BLTP1: variants seen among roughly 807,000 people sequenced by gnomAD.
The protein encoded by BLTP1 is fragile site-associated protein.
chr4:122,328,849 C>T, the BLTP1 span: 1 of 756,224 alleles, frequency 1.3e-6, no homozygotes. Context: ...CTGAATATGC[C>T]CTCAAGAGGA....
At chr4:122,229,026 C>G in the BLTP1 span, 13 of 1,026,114 alleles carry the variant, frequency 1.3e-5, no homozygotes, top group Non-Finnish European at 1.7e-5. Context: ...ACATCAATAA[C>G]TAGATTTTTT....
chr4:122,216,479 A>G, the BLTP1 span, among the ~76,000 whole-genome samples: 1 of 152,080 alleles, frequency 6.6e-6, no homozygotes, highest in Non-Finnish European at 1.5e-5. Context: ...AGGTGGTATC[A>G]TGTTGCGGTT....
chr4:122,211,538 A>G, the BLTP1 span, among the ~76,000 whole-genome samples: 1 of 152,210 alleles, frequency 6.6e-6, no homozygotes, highest in Non-Finnish European at 1.5e-5. Context: ...TATGATAATG[A>G]ACAAATATTT....
the BLTP1 span, chr4:122,343,915 T>TC: frequency 7.4e-5 from 66 of 896,526 alleles, no homozygotes; most frequent in Non-Finnish European, 8.5e-5. Context: ...CAAATCACTG[T>TC]CCATTTATAC....
the BLTP1 span, chr4:122,356,018 TAAG>T: frequency 7.4e-5 from 113 of 1,534,650 alleles, 2 homozygotes; most frequent in South Asian, 1.0e-3. Flanking sequence ...TTAAAGTTAA[TAAG>T]AAAATTCTAA....
chr4:122,258,948 G>T, the BLTP1 span: 1 of 615,606 alleles, frequency 1.6e-6, no homozygotes, highest in Non-Finnish European at 2.7e-6. Flanking sequence ...TATTCAGATA[G>T]CATTTTCGTG....
chr4:122,313,808 A>G, the BLTP1 span: 1 of 506,332 alleles, frequency 2.0e-6, no homozygotes, highest in Non-Finnish European at 3.3e-6. Flanking sequence ...ACTATTTTGT[A>G]TTAGAACATT....
At chr4:122,156,079 G>T in the BLTP1 span, 1 of 497,128 alleles carries the variant, frequency 2.0e-6, no homozygotes, top group African/African-American at 2.1e-5. Flanking sequence ...GGTAGGAAGT[G>T]TAGGAAGAAC....
At chr4:122,209,832 A>G in the BLTP1 span, 3 of 1,613,404 alleles carry the variant, frequency 1.9e-6, no homozygotes, top group Middle Eastern at 1.7e-4. Context: ...GGTTGGGTTG[A>G]ATGCTGGACT....
the BLTP1 span, among the ~76,000 whole-genome samples, chr4:122,294,838 C>T: frequency 6.6e-6 from 1 of 152,082 alleles, no homozygotes; most frequent in East Asian, 1.9e-4. Context: ...AGAACATGTT[C>T]TAACCCAATG....
At chr4:122,299,270 G>T in the BLTP1 span, 1 of 340,076 alleles carries the variant, frequency 2.9e-6, no homozygotes, top group Non-Finnish European at 4.2e-6. Context: ...TCAAATATTA[G>T]GTATTAGAAT....
the BLTP1 span, chr4:122,349,856 G>C: frequency 6.2e-7 from 1 of 1,613,464 alleles, no homozygotes; most frequent in Non-Finnish European, 8.5e-7. This position sits in a 1 kb window ranked among gnomAD's most constrained non-coding sequence, Gnocchi z 4.5. Context: ...TTATGCTCTA[G>C]TGAGATTTTC....
At chr4:122,268,750 A>C in the BLTP1 span, among the ~76,000 whole-genome samples, 1 of 152,172 alleles carries the variant, frequency 6.6e-6, no homozygotes, top group Non-Finnish European at 1.5e-5. Context: ...GATTTATTAC[A>C]GAGAGAGAAA....
the BLTP1 span, chr4:122,267,781 C>T: frequency 5.2e-6 from 1 of 191,734 alleles, no homozygotes; most frequent in Non-Finnish European, 9.6e-6. Context: ...TACCCACTAA[C>T]AGGATTTGAG....
the BLTP1 span, chr4:122,258,990 A>G: frequency 5.2e-6 from 3 of 574,214 alleles, no homozygotes; most frequent in East Asian, 2.9e-5. Context: ...ATTTCAGTGT[A>G]AATATTTCTT....
chr4:122,279,681 T>G, the BLTP1 span: 3 of 1,388,372 alleles, frequency 2.2e-6, no homozygotes, highest in Non-Finnish European at 2.9e-6. Flanking sequence ...CCTCTCAAAT[T>G]TATAAGTATT....
chr4:122,316,690 G>T, the BLTP1 span: 1 of 1,582,242 alleles, frequency 6.3e-7, no homozygotes, highest in South Asian at 1.2e-5. Context: ...TTTGCTGTGT[G>T]ACTTGAGGGT....
chr4:122,227,624 AT>A, the BLTP1 span: 1 of 256,094 alleles, frequency 3.9e-6, no homozygotes, highest in Non-Finnish European at 6.1e-6. Context: ...TGCTATACAA[AT>A]TATATTTGTT....
the BLTP1 span, chr4:122,209,888 T>A: frequency 1.2e-6 from 2 of 1,613,474 alleles, no homozygotes; most frequent in Non-Finnish European, 1.7e-6. Flanking sequence ...GCATCCAATT[T>A]ATCCACAAAA....
Sources: gnomAD v4.1 joint callset for allele counts (sites outside exome capture counted in the v4.1 genomes callset) on GRCh38, gnomAD v4.1.1 for gene constraint, Gnocchi (gnomAD v3.1) non-coding constraint, MANE v1.5 for transcripts, NCBI Gene and HGNC (gene_info 2026-07-23, HGNC 2026-07-21) for gene names.